The following ABCB1 variants were observed in gnomAD, a reference collection of about 807,000 sequenced individuals.
ABCB1 encodes ATP-dependent translocase ABCB1.
Under a neutral mutation model 142.0 loss-of-function variants are expected in ABCB1, and 69 were observed. The observed-to-expected ratio is 0.49, with a 90% CI of 0.40 to 0.59. The LOEUF (loss-of-function observed/expected upper bound fraction) is 0.59. ABCB1 is among the 20% of genes least tolerant of loss of function. The pLI, the probability that ABCB1 is intolerant of heterozygous loss-of-function variation, is 0.00. For missense variants in ABCB1, 1,326 were observed against 1,554.7 expected (o/e 0.85, Z 2.47); for synonymous variants, 532 against 539.2 (o/e 0.99, Z 0.18).
chr7:87,596,160 A>C (rs1212877830), intron 2 of ABCB1, among the ~76,000 whole-genome samples: 2 of 152,024 alleles, frequency 1.3e-5, no homozygotes, highest in Non-Finnish European at 2.9e-5. Context: ...CCCTGTTTTT[A>C]TTCTAATTAG....
chr7:87,532,295 G>C (rs184994397), intron 20 of ABCB1, among the ~76,000 whole-genome samples: 3 of 152,194 alleles, frequency 2.0e-5, no homozygotes, highest in Admixed American at 2.0e-4. Context: ...TTCTGAAAAG[G>C]GGCTGGGTAA....
At chr7:87,656,046 G>C (rs1824069413) in intron 1 of ABCB1, among the ~76,000 whole-genome samples, 1 of 151,910 alleles carries the variant, frequency 6.6e-6, no homozygotes, top group South Asian at 2.1e-4. Flanking sequence ...TTTGATCTTG[G>C]ACTTCCCAGC....
intron 8 of ABCB1, among the ~76,000 whole-genome samples, 198 bp from the exon 9 acceptor site, chr7:87,554,130 T>G (rs1817213220): frequency 6.6e-6 from 1 of 152,200 alleles, no homozygotes; most frequent in African/African-American, 2.4e-5. Context: ...TTATAGAGAT[T>G]AACTTATTTG....
chr7:87,628,580 C>T (rs528326681), intron 1 of ABCB1: 76 of 292,846 alleles, frequency 2.6e-4, no homozygotes, highest in African/African-American at 2.3e-3. Context: ...GTGGTGCGTG[C>T]GTGCGTGTGT....
chr7:87,582,004 G>C (rs1282929497), intron 4 of ABCB1, among the ~76,000 whole-genome samples: 1 of 152,152 alleles, frequency 6.6e-6, no homozygotes, highest in Non-Finnish European at 1.5e-5. Context: ...CAAAACCTTT[G>C]ATGCTATTCC....
At chr7:87,584,934 T>C (rs1563063628) in intron 4 of ABCB1, among the ~76,000 whole-genome samples, 1 of 151,186 alleles carries the variant, frequency 6.6e-6, no homozygotes, top group Non-Finnish European at 1.5e-5. Flanking sequence ...AAGCTATTAT[T>C]TATCCTATCC....
rs149482536 is a variant in ABCB1 at position 87,504,318 on chromosome 7, C to T, written c.3768G>A (p.Thr1256=). The T allele has an allele frequency of 3.1e-4, 493 of 1,613,930 alleles. No homozygotes were observed. Among genetic ancestry groups the T allele is most frequent in the Non-Finnish European group, 3.7e-4 (435 of 1,180,010 alleles). The change falls in exon 28 of 28, where the codon ACG becomes ACA. Residue 1256 remains threonine, a synonymous_variant. Coordinates refer to ENST00000622132, the MANE Select transcript of ABCB1 (RefSeq NM_001348946.2). ...FQNGRVKEHG[T]HQQLLAQKGI... ...CTTTCTGTGCCAGCAGCTGCTGATG[C>T]GTGCCATGCTCCTTGACTCTGCCAT...
intron 20 of ABCB1, among the ~76,000 whole-genome samples, chr7:87,532,489 C>T (rs930124876): frequency 1.3e-5 from 2 of 152,158 alleles, no homozygotes; most frequent in African/African-American, 4.8e-5. Context: ...TCTGGTTGTT[C>T]TCACTGCTCA....
At chr7:87,617,245 C>T (rs779980111) in intron 1 of ABCB1, among the ~76,000 whole-genome samples, 2 of 152,120 alleles carry the variant, frequency 1.3e-5, no homozygotes, top group South Asian at 2.1e-4. Context: ...TCAGATATTC[C>T]CTTTAAACAT....
intron 1 of ABCB1, among the ~76,000 whole-genome samples, chr7:87,637,570 T>C (rs966891510): frequency 6.6e-6 from 1 of 152,144 alleles, no homozygotes; most frequent in Non-Finnish European, 1.5e-5. Flanking sequence ...TTTCTTTATA[T>C]GTTTAAATAT....
At chr7:87,561,125 ATGC>A in intron 8 of ABCB1, 135 bp downstream of exon 8, 1 of 967,402 alleles carries the variant, frequency 1.0e-6, no homozygotes, top group South Asian at 1.9e-5. Context: ...AATATTAGTT[ATGC>A]TGTAATACAT....
At chr7:87,669,219 A>G (rs1461387624) in intron 1 of ABCB1, among the ~76,000 whole-genome samples, 1 of 152,082 alleles carries the variant, frequency 6.6e-6, no homozygotes, top group Non-Finnish European at 1.5e-5. Flanking sequence ...TGAATCCTTT[A>G]CCATTAAGTA....
intron 8 of ABCB1, among the ~76,000 whole-genome samples, chr7:87,560,392 G>C (rs1817509531): frequency 6.6e-6 from 1 of 152,128 alleles, no homozygotes; most frequent in Admixed American, 6.5e-5. Flanking sequence ...ATTATGCAAT[G>C]AATACTCATG....
upstream of ABCB1, among the ~76,000 whole-genome samples, chr7:87,605,357 C>T (rs983397053): frequency 7.2e-5 from 11 of 152,146 alleles, no homozygotes; most frequent in African/African-American, 2.4e-4. Context: ...TGATCTTGAA[C>T]TTCTGGCCTC....
chr7:87,712,765 A>G (rs1309561902), intron 1 of ABCB1, among the ~76,000 whole-genome samples: 3 of 152,134 alleles, frequency 2.0e-5, no homozygotes, highest in Non-Finnish European at 4.4e-5. Flanking sequence ...GTAACCATAC[A>G]TAAACATACA....
chr7:87,682,575 G>A (rs572025026), intron 1 of ABCB1, among the ~76,000 whole-genome samples: 3 of 152,248 alleles, frequency 2.0e-5, no homozygotes, highest in South Asian at 4.1e-4. Flanking sequence ...ATAGTTCTTG[G>A]GTGACTAGGT....
intron 25 of ABCB1, among the ~76,000 whole-genome samples, chr7:87,514,377 C>T (rs1221713160): frequency 1.3e-5 from 2 of 152,186 alleles, no homozygotes; most frequent in Non-Finnish European, 2.9e-5. Context: ...TGTCTTCTTT[C>T]CTATCCCCCA....
At position 87,709,267 on chromosome 7, in the gene ABCB1, G is replaced by C. The variant is rs143734029; in HGVS notation, c.-331+3894C>G. On this transcript the variant is annotated intron_variant, in intron 1 of 28. Transcript: ENST00000265724. ...AGTCTCCTGTGCTGAATTGTCTCTG[G>C]AGAGCAACTTTCTTGACTTCATTGG... is the stretch of plus-strand genomic sequence containing the variant. The C allele has an allele frequency of 1.0e-5, 10 of 985,278 alleles. No homozygotes were observed. The East Asian group carries it at 1.0e-3, about 101-fold the overall frequency. 61.0% of individuals were successfully genotyped at this position (985,278 alleles called of 1,614,324 possible). A position where few individuals can be genotyped will look rare whatever the true frequency, so the allele number is the denominator to read the frequency against.
At chr7:87,693,132 A>G (rs1754478561) in intron 1 of ABCB1, among the ~76,000 whole-genome samples, 1 of 152,232 alleles carries the variant, frequency 6.6e-6, no homozygotes, top group Non-Finnish European at 1.5e-5. Flanking sequence ...ATGTTATTTC[A>G]GAAATTTGGC....
Sources: allele counts gnomAD v4.1 joint callset (sites outside exome capture counted in the v4.1 genomes callset), GRCh38; gene constraint gnomAD v4.1.1; transcripts MANE v1.5; gene names NCBI Gene and HGNC (gene_info 2026-07-23, HGNC 2026-07-21).